The following NLGN1 variants were observed in gnomAD, a reference collection of about 807,000 sequenced individuals.
NLGN1 encodes the protein neuroligin 1.
A neutral mutation model predicts 65.5 loss-of-function variants in NLGN1; 12 were observed. The observed-to-expected ratio is 0.18, with a 90% CI of 0.12 to 0.30. NLGN1 has a LOEUF of 0.30. Ranked by LOEUF, NLGN1 falls within the 10% of genes least tolerant of loss-of-function variation. The pLI, the probability that NLGN1 is intolerant of heterozygous loss-of-function variation, is 1.00. For missense variants in NLGN1, 750 were observed against 1,007.1 expected (o/e 0.74, Z 3.46); for synonymous variants, 350 against 359.5 (o/e 0.97, Z 0.30).
chr3:173,914,536 T>C (rs970030143), intron 4 of NLGN1, among the ~76,000 whole-genome samples: 6 of 142,232 alleles, frequency 4.2e-5, no homozygotes, highest in East Asian at 2.2e-4. Context: ...CATCTATACA[T>C]ACACACACAC....
chr3:173,633,637 A>T (rs186289000), intron 3 of NLGN1, among the ~76,000 whole-genome samples: 1 of 152,300 alleles, frequency 6.6e-6, no homozygotes. Context: ...CTTCAGTGAC[A>T]GGCAGGGGAA....
intron 4 of NLGN1, among the ~76,000 whole-genome samples, chr3:174,246,466 CT>C (rs1743814522): frequency 1.3e-5 from 2 of 152,116 alleles, no homozygotes; most frequent in Non-Finnish European, 2.9e-5. Flanking sequence ...GTCACTTAGG[CT>C]GGAATGCGTG....
chr3:173,728,459 T>G (rs997608555), intron 3 of NLGN1, among the ~76,000 whole-genome samples: 1 of 152,108 alleles, frequency 6.6e-6, no homozygotes, highest in Non-Finnish European at 1.5e-5. Context: ...CTTGTTTTGG[T>G]TAAAGCCACG....
intron 4 of NLGN1, among the ~76,000 whole-genome samples, chr3:174,194,518 A>T (rs1294721059): frequency 6.6e-6 from 1 of 151,910 alleles, no homozygotes. Context: ...CCACCTATAT[A>T]CACTTCTAAC....
Position 174,032,341 on chromosome 3 carries a change from C to T in NLGN1, c.646+224509C>T, listed in dbSNP as rs142419720. ...ACATTGAAAAATACTAGACCACACA[C>T]TGAACCAATTAATCACAAAATCTGG... On this transcript the variant is annotated intron_variant, in intron 4 of 6. Transcript: ENST00000457714. Among the ~76,000 whole-genome samples, 3 of 152,320 alleles carry T rather than the reference C, an allele frequency of 2.0e-5. No homozygotes were observed. In the East Asian group the frequency reaches 5.8e-4, roughly 29 times the overall value.
chr3:173,843,248 C>T (rs1246408336), intron 4 of NLGN1, among the ~76,000 whole-genome samples: 1 of 152,206 alleles, frequency 6.6e-6, no homozygotes, highest in Non-Finnish European at 1.5e-5. Context: ...ACTTTTTCCT[C>T]CTAGGCCTAC....
At chr3:173,861,283 A>G (rs1277025405) in intron 4 of NLGN1, among the ~76,000 whole-genome samples, 1 of 152,052 alleles carries the variant, frequency 6.6e-6, no homozygotes, top group Non-Finnish European at 1.5e-5. Context: ...CTGTAAATTT[A>G]ATGTGTAATT....
At chr3:174,124,585 GTA>G (rs1256733268) in intron 4 of NLGN1, among the ~76,000 whole-genome samples, 15 of 78,382 alleles carry the variant, frequency 1.9e-4, no homozygotes, top group Non-Finnish European at 3.4e-4. Context: ...ACATATATAC[GTA>G]TATATACGTA....
At chr3:173,906,748 G>A (rs1738471828) in intron 4 of NLGN1, among the ~76,000 whole-genome samples, 1 of 151,818 alleles carries the variant, frequency 6.6e-6, no homozygotes, top group Non-Finnish European at 1.5e-5. Context: ...CTACTCAAGA[G>A]GCTGACACAG....
intron 4 of NLGN1, among the ~76,000 whole-genome samples, chr3:173,998,858 C>A (rs991956685): frequency 3.3e-5 from 5 of 152,172 alleles, no homozygotes; most frequent in Admixed American, 6.5e-5. Flanking sequence ...CACTTACATG[C>A]ACCCTCCAAC....
At chr3:173,796,642 A>G (rs1035366256) in intron 3 of NLGN1, among the ~76,000 whole-genome samples, 1 of 152,112 alleles carries the variant, frequency 6.6e-6, no homozygotes, top group African/African-American at 2.4e-5. Flanking sequence ...GACAGACCCA[A>G]TAGAGTTTCA....
Position 173,705,746 on chromosome 3 carries a change from C to CTT in NLGN1, c.493+100664_493+100665dup, listed in dbSNP as rs1339374760. Among the ~76,000 whole-genome samples the CTT allele has an allele frequency of 2.1e-3, 310 of 149,204 alleles. 2 individuals carry two copies. Among genetic ancestry groups the CTT allele is most frequent in the Middle Eastern group, 7.0e-3 (2 of 284 alleles). ...ATGGAGAAAGCCTAGCCTACCCATC[C>CTT]TTTTTTTTTTCTTCCTAATATGTGG... On this transcript the variant is annotated intron_variant, in intron 3 of 6. Transcript: ENST00000457714.
In NLGN1 at chr3:174,280,905, T is replaced by A; in HGVS notation, c.2074T>A (p.Leu692Met). 1.2e-6 allele frequency: 2 copies of A among 1,613,376 alleles called. No individual in the cohort carries two copies. Among genetic ancestry groups the A allele is most frequent in the Non-Finnish European group, 1.7e-6 (2 of 1,179,602 alleles). Reference sequence around the variant, plus strand: ...AGCATCACTGCTGTTTCTGAACATCTTGGCCTTTGCAGCCCTGTACTACAA... The same window carrying A: ...AGCATCACTGCTGTTTCTGAACATCATGGCCTTTGCAGCCCTGTACTACAA... The change falls in exon 7 of 7, where the codon TTG (leucine) becomes ATG (methionine). Residue 692 changes from leucine to methionine, a missense_variant. Leu to Met is a conservative substitution (Grantham distance 15). Coordinates refer to ENST00000457714, the Ensembl canonical transcript of NLGN1. The surrounding 1 kb of genome is among the most constrained non-coding windows in gnomAD (Gnocchi z 4.9).
rs568952891 is a variant in NLGN1 at position 173,515,071 on chromosome 3, A to G, written c.-321+79993A>G. Among the ~76,000 whole-genome samples the G allele has an allele frequency of 3.3e-5, 5 of 152,240 alleles. No homozygotes were observed. In the South Asian group the frequency reaches 6.2e-4, roughly 19 times the overall value. On this transcript the variant is annotated intron_variant, in intron 2 of 6. Transcript: ENST00000457714. The stretch of plus-strand genomic sequence containing the variant: ...TAGTTCTGTTTTTATTTTTTGAGGA[A>G]CCTTCAAACAGTTTTCCACAGTGAC...
chr3:173,574,761 T>C (rs1745246887), intron 2 of NLGN1, among the ~76,000 whole-genome samples: 1 of 152,248 alleles, frequency 6.6e-6, no homozygotes, highest in African/African-American at 2.4e-5. Flanking sequence ...TTTATTCAAC[T>C]ACACCATCAT....
intron 2 of NLGN1, among the ~76,000 whole-genome samples, chr3:173,537,587 T>C (rs1446339391): frequency 6.6e-6 from 1 of 152,036 alleles, no homozygotes; most frequent in Non-Finnish European, 1.5e-5. Context: ...CTGTAACTGG[T>C]TATATAGTTG....
chr3:174,106,964 A>G (rs891393081), intron 4 of NLGN1, among the ~76,000 whole-genome samples: 1 of 150,338 alleles, frequency 6.7e-6, no homozygotes, highest in African/African-American at 2.4e-5. Context: ...GATTCAAATG[A>G]CAATCTCTTC....
At chr3:174,048,614 A>G (rs997805456) in intron 4 of NLGN1, among the ~76,000 whole-genome samples, 98 of 152,088 alleles carry the variant, frequency 6.4e-4, no homozygotes, top group African/African-American at 2.2e-3. Context: ...ATCTGTAGAT[A>G]AAAGACAAAA....
At chr3:173,440,895 G>C (rs1438132784) in intron 2 of NLGN1, among the ~76,000 whole-genome samples, 1 of 152,146 alleles carries the variant, frequency 6.6e-6, no homozygotes, top group Non-Finnish European at 1.5e-5. Context: ...CTCTAGCTAT[G>C]AAAGTCTTAG....
Sources: allele counts gnomAD v4.1 joint callset (sites outside exome capture counted in the v4.1 genomes callset), GRCh38; gene constraint gnomAD v4.1.1; non-coding constraint Gnocchi (gnomAD v3.1); transcripts MANE v1.5; gene names NCBI Gene and HGNC (gene_info 2026-07-23, HGNC 2026-07-21).